The following GCNT2 variants were observed in gnomAD, a reference collection of about 807,000 sequenced individuals.
GCNT2 encodes N-acetyllactosaminide beta-1,6-N-acetylglucosaminyl-transferase.
In GCNT2, 34 loss-of-function variants were observed where a neutral mutation model predicts 34.2. The ratio of observed to expected loss-of-function variants is 1.00; its 90% CI spans 0.76 to 1.32. The LOEUF (loss-of-function observed/expected upper bound fraction) is 1.32, where lower values mean the gene tolerates loss of function less well. GCNT2 is among the 40% of genes most tolerant of loss of function. The pLI is 0.00. For synonymous variants in GCNT2, 212 were observed against 188.0 expected (o/e 1.13, Z -1.04); for missense variants, 584 against 489.4 (o/e 1.19, Z -1.82).
intron 3 of GCNT2, among the ~76,000 whole-genome samples, chr6:10,535,621 T>C (rs1161388715): frequency 6.6e-6 from 1 of 152,236 alleles, no homozygotes; most frequent in East Asian, 1.9e-4. Context: ...CCTTGAATTT[T>C]ACACATTTCA....
At chr6:10,599,447 G>A (rs758311249) in intron 3 of GCNT2, among the ~76,000 whole-genome samples, 1 of 152,168 alleles carries the variant, frequency 6.6e-6, no homozygotes, top group African/African-American at 2.4e-5. Flanking sequence ...GACTGAAACC[G>A]GGTGTTTCAG....
chr6:10,530,200 A>G (rs1446324225), intron 3 of GCNT2: 4 of 197,190 alleles, frequency 2.0e-5, no homozygotes, highest in East Asian at 2.6e-4. Context: ...TGTATCTACT[A>G]AAAATACTAA....
intron 3 of GCNT2, chr6:10,586,443 A>G (rs1764351296): frequency 6.2e-7 from 1 of 1,614,210 alleles, no homozygotes; most frequent in East Asian, 2.2e-5. Context: ...AAATGCTTTC[A>G]TTGCTTCAAA....
chr6:10,556,274 C>T (rs771693373), intron 3 of GCNT2: 3 of 1,492,236 alleles, frequency 2.0e-6, no homozygotes, highest in South Asian at 1.4e-5. Flanking sequence ...GCTGGACTCT[C>T]GGGATGAAAC....
intron 3 of GCNT2, among the ~76,000 whole-genome samples, chr6:10,533,144 A>G (rs889382613): frequency 8.6e-5 from 13 of 151,512 alleles, no homozygotes; most frequent in Admixed American, 7.2e-4. Flanking sequence ...TATCTCTACT[A>G]AAAATACAAA....
chr6:10,614,704 C>T (rs1289832203), intron 3 of GCNT2, among the ~76,000 whole-genome samples: 1 of 151,114 alleles, frequency 6.6e-6, no homozygotes, highest in East Asian at 1.9e-4. Flanking sequence ...GAGATTATTA[C>T]ACCTTAAGTT....
At chr6:10,542,005 C>A (rs1372000076) in intron 3 of GCNT2, among the ~76,000 whole-genome samples, 1 of 152,174 alleles carries the variant, frequency 6.6e-6, no homozygotes, top group African/African-American at 2.4e-5. Flanking sequence ...CGAGCCTCAA[C>A]CAACACAAAG....
In GCNT2 at chr6:10,556,363, A is replaced by T; in HGVS notation, c.925+26527A>T. ...AAATAAGAACTCAGAGAAACGAGTG[A>T]GTTTGGAAAAAAGACTTACAGATTT... On this transcript the variant is annotated intron_variant, in intron 3 of 4. Coordinates refer to ENST00000495262, the MANE Select transcript of GCNT2 (RefSeq NM_145649.5). The T allele has an allele frequency of 2.5e-6, 4 of 1,609,306 alleles. No homozygotes were observed. The Admixed American group carries it at 6.7e-5, about 27-fold the overall frequency.
chr6:10,575,119 C>G (rs1205979879), intron 3 of GCNT2: 2 of 468,988 alleles, frequency 4.3e-6, no homozygotes, highest in Non-Finnish European at 8.0e-6. Flanking sequence ...GCAATGTCAC[C>G]TTTCTTATAG....
chr6:10,573,198 G>A, intron 3 of GCNT2: 7 of 983,220 alleles, frequency 7.1e-6, no homozygotes, highest in Non-Finnish European at 8.5e-6. Context: ...TTGTCAAATA[G>A]TGTCTCTTGG....
chr6:10,555,989 A>G (rs1288148963), intron 3 of GCNT2: 2 of 1,075,246 alleles, frequency 1.9e-6, no homozygotes, highest in Non-Finnish European at 2.3e-6. Flanking sequence ...AGAGCTCATC[A>G]CTTCAACTCT....
intron 3 of GCNT2, among the ~76,000 whole-genome samples, chr6:10,615,756 T>C (rs961329988): frequency 5.3e-5 from 8 of 152,204 alleles, no homozygotes; most frequent in African/African-American, 1.9e-4. Flanking sequence ...TGGTTATTTC[T>C]TGAAGATACA....
chr6:10,525,537 G>A (rs923985786), intron 1 of GCNT2, among the ~76,000 whole-genome samples: 1 of 152,182 alleles, frequency 6.6e-6, no homozygotes, highest in Non-Finnish European at 1.5e-5. Flanking sequence ...CAAGGGCATT[G>A]GGAAAGCTGG....
intron 3 of GCNT2, among the ~76,000 whole-genome samples, chr6:10,558,770 T>G (rs1762837317): frequency 6.6e-6 from 1 of 152,200 alleles, no homozygotes; most frequent in Admixed American, 6.5e-5. Context: ...ATGCCTGGTG[T>G]TTGAATCCCA....
intron 3 of GCNT2, among the ~76,000 whole-genome samples, chr6:10,606,569 T>A (rs757684073): frequency 3.3e-5 from 2 of 59,990 alleles, no homozygotes; most frequent in Non-Finnish European, 5.9e-5. Flanking sequence ...TAAAAATGAG[T>A]TTTTTCTAGT....
chr6:10,565,066 C>T (rs779226398), intron 3 of GCNT2, among the ~76,000 whole-genome samples: 6 of 152,190 alleles, frequency 3.9e-5, no homozygotes, highest in Non-Finnish European at 8.8e-5. Context: ...GAGCCAGCCA[C>T]GCACTTGTGA....
intron 3 of GCNT2, among the ~76,000 whole-genome samples, chr6:10,616,226 A>G (rs1412846358): frequency 2.6e-5 from 4 of 152,062 alleles, no homozygotes; most frequent in Admixed American, 6.6e-5. Flanking sequence ...GTTTGTTCCT[A>G]CCAGTGGGTT....
At chr6:10,555,797 A>G (rs924679780) in intron 3 of GCNT2, 1 of 985,244 alleles carries the variant, frequency 1.0e-6, no homozygotes, top group African/African-American at 1.7e-5. Flanking sequence ...GCTTTCTTTT[A>G]TTTGAGATGT....
At chr6:10,589,362 AGTGTGTGTTTGTAGTGTG>A (rs1242546514) in intron 3 of GCNT2, among the ~76,000 whole-genome samples, 23 of 107,892 alleles carry the variant, frequency 2.1e-4, no homozygotes, top group Admixed American at 1.1e-3. Context: ...GTGTGTTTCT[AGTGTGTGTTTGTAGTGTG>A]GTGTGTGTTT....
Sources: gnomAD v4.1 joint callset for allele counts (sites outside exome capture counted in the v4.1 genomes callset) on GRCh38, gnomAD v4.1.1 for gene constraint, MANE v1.5 for transcripts, NCBI Gene and HGNC (gene_info 2026-07-23, HGNC 2026-07-21) for gene names.